Variants in BDH1 observed in about 807,000 individuals in gnomAD.
BDH1 encodes 3-hydroxybutyrate dehydrogenase 1, also known as D-beta-hydroxybutyrate dehydrogenase, mitochondrial.
Under a neutral mutation model 33.1 loss-of-function variants are expected in BDH1, and 30 were observed. That is an observed-to-expected ratio of 0.91 (90% CI 0.68 to 1.23). BDH1 has a LOEUF of 1.23. BDH1 is among the 50% of genes most tolerant of loss of function. BDH1 has a pLI of 0.00. For missense variants in BDH1, 443 were observed against 464.4 expected, an observed-to-expected ratio of 0.95 and a Z score of 0.42; for synonymous variants, 190 against 183.6, an observed-to-expected ratio of 1.03 and a Z score of -0.28.
At chr3:197,515,201 C>T (rs1036493443) in intron 6 of BDH1, among the ~76,000 whole-genome samples, 2 of 152,218 alleles carry the variant, frequency 1.3e-5, no homozygotes, top group Non-Finnish European at 2.9e-5. Flanking sequence ...CAAATTAAAG[C>T]TTCATTCACT....
chr3:197,552,375 G>A (rs2108765339), intron 2 of BDH1, among the ~76,000 whole-genome samples: 1 of 152,296 alleles, frequency 6.6e-6, no homozygotes, highest in East Asian at 1.9e-4. Flanking sequence ...GGTCAACACA[G>A]CCTGCAGGAT....
intron 6 of BDH1, chr3:197,515,302 C>G: frequency 1.0e-6 from 1 of 985,530 alleles, no homozygotes; most frequent in Non-Finnish European, 1.2e-6. Context: ...CCATGAAGAG[C>G]TCACTCCCAC....
chr3:197,514,368 A>G lies in BDH1; in HGVS notation c.458T>C (p.Val153Ala). ...GTAGGTCTCCAGGCTGGTGAACTCC[A>G]CCTCCCCGAACGTTGAGATGCCGGC... ...NNAGISTFGE[V>A]EFTSLETYKQ... Residue 153 changes from valine (V) to alanine (A), a missense_variant, in exon 7 of 8, where the codon GTG becomes GCG. Transcript: ENST00000392379. The surrounding 1 kb of genome is among the most constrained non-coding windows in gnomAD (Gnocchi z 4.2). The G allele has an allele frequency of 1.2e-6, 2 of 1,611,752 alleles. No homozygotes were observed. Among genetic ancestry groups the G allele is most frequent in the Non-Finnish European group, 1.7e-6 (2 of 1,179,040 alleles).
intron 5 of BDH1, among the ~76,000 whole-genome samples, chr3:197,531,791 C>T (rs543625436): frequency 3.3e-5 from 5 of 152,194 alleles, no homozygotes; most frequent in Admixed American, 1.3e-4. Context: ...TGGGGCACTG[C>T]CCACTGTTTG....
In BDH1 at chr3:197,566,938, T is replaced by C. The variant is rs536083979; in HGVS notation, c.-44+6243A>G. ...AAGCTAGACAACCTTCAGAAGAAAA[T>C]AATAGCAACCTTATTTACATACATT... On this transcript the variant is annotated intron_variant, in intron 1 of 6. Coordinates refer to the BDH1 transcript ENST00000358186. Among the ~76,000 whole-genome samples, 6 of 152,260 alleles carry C rather than the reference T, an allele frequency of 3.9e-5. No individual in the cohort carries two copies. In the East Asian group the frequency reaches 1.2e-3, roughly 29 times the overall value.
chr3:197,523,122 C>T lies in BDH1; in HGVS notation c.268-341G>A, dbSNP rs1195447470. 21 of 278,792 alleles carry T rather than the reference C, an allele frequency of 7.5e-5. No homozygotes were observed. Among genetic ancestry groups the T allele is most frequent in the East Asian group, 3.8e-4 (6 of 15,976 alleles). The allele number at this position is 278,792 out of a possible 1,614,324, so 17.3% of individuals were successfully genotyped here. A position where few individuals can be genotyped will look rare whatever the true frequency, so the allele number is the denominator to read the frequency against. On this transcript the variant is annotated intron_variant, in intron 5 of 7. Coordinates refer to ENST00000392379, the MANE Select transcript of BDH1 (RefSeq NM_203314.3). The surrounding 1 kb of genome is among the most constrained non-coding windows in gnomAD (Gnocchi z 4.5). ...GTACAGGACATGTCAGGAATTACCA[C>T]GTGGGGATGGAAACCCAGGGTTGCC...
At chr3:197,548,084 T>C (rs1716236738) in intron 2 of BDH1, among the ~76,000 whole-genome samples, 1 of 152,190 alleles carries the variant, frequency 6.6e-6, no homozygotes, top group Non-Finnish European at 1.5e-5. Flanking sequence ...AAGGAGGCAC[T>C]CTGAGTCCCT....
chr3:197,561,182 C>T (rs917001080), intron 1 of BDH1, among the ~76,000 whole-genome samples: 4 of 152,074 alleles, frequency 2.6e-5, no homozygotes, highest in African/African-American at 9.7e-5. Context: ...ATGCCCCTGA[C>T]CTTTGACAGA....
intron 2 of BDH1, among the ~76,000 whole-genome samples, chr3:197,549,986 T>TATATATATATA (rs3061417): frequency 6.7e-6 from 1 of 149,494 alleles, no homozygotes; most frequent in African/African-American, 2.5e-5. Context: ...TATATATATA[T>TATATATATATA]TTGGCCATTC....
intron 6 of BDH1, among the ~76,000 whole-genome samples, chr3:197,517,252 C>T (rs560003798): frequency 9.3e-5 from 12 of 128,628 alleles, no homozygotes; most frequent in African/African-American, 2.6e-4. Context: ...GGCCGACCCC[C>T]GCATCAGTCA....
intron 1 of BDH1, among the ~76,000 whole-genome samples, chr3:197,564,510 C>A (rs566279126): frequency 1.8e-4 from 27 of 152,080 alleles, no homozygotes; most frequent in African/African-American, 5.1e-4. Context: ...ATACCAAGTC[C>A]TGCTAAAGTT....
intron 1 of BDH1, among the ~76,000 whole-genome samples, chr3:197,564,945 A>G (rs563636828): frequency 4.4e-4 from 67 of 152,182 alleles, no homozygotes; most frequent in African/African-American, 1.6e-3. Context: ...TTTTTGAGAT[A>G]GAGTTTCGCT....
intron 3 of BDH1, among the ~76,000 whole-genome samples, chr3:197,544,501 A>T (rs1457790370): frequency 1.3e-5 from 2 of 152,230 alleles, no homozygotes. Flanking sequence ...CATGTTGGAG[A>T]CAGATCTTGC....
intron 3 of BDH1, among the ~76,000 whole-genome samples, chr3:197,536,045 C>CAAA (rs58323248): frequency 2.2e-5 from 3 of 134,110 alleles, no homozygotes; most frequent in South Asian, 2.3e-4. Flanking sequence ...GACCCTGTCT[C>CAAA]AAAAAAAAAA....
intron 3 of BDH1, among the ~76,000 whole-genome samples, chr3:197,542,521 CTTTTTT>C (rs71164295): frequency 9.4e-6 from 1 of 106,448 alleles, no homozygotes; most frequent in African/African-American, 4.3e-5. Context: ...TTCTTGCTTG[CTTTTTT>C]TTTTTTTTTT....
intron 2 of BDH1, among the ~76,000 whole-genome samples, chr3:197,550,232 T>C (rs536818997): frequency 6.6e-6 from 1 of 152,154 alleles, no homozygotes; most frequent in Non-Finnish European, 1.5e-5. Flanking sequence ...GTATCATACA[T>C]GCAGAGATGA....
intron 3 of BDH1, chr3:197,538,409 T>C (rs1715330268): frequency 4.4e-6 from 2 of 454,110 alleles, no homozygotes. Context: ...TGGAGTGCAG[T>C]GACACGATCT....
intron 3 of BDH1, chr3:197,534,045 G>C (rs545603510): frequency 6.5e-6 from 1 of 154,716 alleles, no homozygotes; most frequent in Admixed American, 6.4e-5. Context: ...TGAAATAATT[G>C]TAGATTCACA....
chr3:197,560,452 C>A (rs972453642), upstream of BDH1, among the ~76,000 whole-genome samples: 2 of 152,190 alleles, frequency 1.3e-5, no homozygotes, highest in Non-Finnish European at 2.9e-5. Context: ...TTAAAAAGTT[C>A]TAAGTTACTA....
Sources: allele counts gnomAD v4.1 joint callset (sites outside exome capture counted in the v4.1 genomes callset), GRCh38; gene constraint gnomAD v4.1.1; non-coding constraint Gnocchi (gnomAD v3.1); transcripts MANE v1.5; gene names NCBI Gene and HGNC (gene_info 2026-07-23, HGNC 2026-07-21).